The following GRAMD1B variants were observed in gnomAD, a reference collection of about 807,000 sequenced individuals.
GRAMD1B encodes GRAM domain containing 1B.
Under a neutral mutation model 99.7 loss-of-function variants are expected in GRAMD1B, and 37 were observed. The observed-to-expected ratio is 0.37, with a 90% CI of 0.29 to 0.49. The LOEUF is 0.49. GRAMD1B is among the 20% of genes least tolerant of loss of function. The pLI is 0.98. For missense variants in GRAMD1B, 888 were observed against 1,009.2 expected, an observed-to-expected ratio of 0.88 and a Z score of 1.63; for synonymous variants, 427 against 387.6, an observed-to-expected ratio of 1.10 and a Z score of -1.19.
intron 14 of GRAMD1B, among the ~76,000 whole-genome samples, chr11:123,611,320 G>T (rs1030501874): frequency 6.6e-6 from 1 of 152,040 alleles, no homozygotes; most frequent in Admixed American, 6.5e-5. Flanking sequence ...TGTAGTCCCA[G>T]CTACTCGGGA....
chr11:123,467,783 GTCCT>G (rs571421968), intron 1 of GRAMD1B, among the ~76,000 whole-genome samples: 2 of 150,880 alleles, frequency 1.3e-5, no homozygotes, highest in Non-Finnish European at 3.0e-5. Flanking sequence ...GCCTAGCAGG[GTCCT>G]TCCTTCCTTC....
At chr11:123,369,452 T>C (rs1946443233) in intron 1 of GRAMD1B, among the ~76,000 whole-genome samples, 1 of 151,640 alleles carries the variant, frequency 6.6e-6, no homozygotes, top group Non-Finnish European at 1.5e-5. Flanking sequence ...TAAGAACAAA[T>C]AAACAAAGGA....
chr11:123,509,974 G>T (rs1340402925), intron 2 of GRAMD1B: 1 of 152,250 alleles, frequency 6.6e-6, no homozygotes, highest in Non-Finnish European at 1.5e-5. Flanking sequence ...GTGGAGTGGG[G>T]GGGTGTGAAC....
chr11:123,584,481 A>G (rs928016974), intron 4 of GRAMD1B, 149 bp downstream of exon 4: 1 of 33,210 alleles, frequency 3.0e-5, no homozygotes, highest in African/African-American at 1.1e-4. Context: ...TGCAGCGGTT[A>G]TTTTCTTCAG....
At chr11:123,586,064 C>T (rs922093904) in intron 4 of GRAMD1B, among the ~76,000 whole-genome samples, 2 of 152,170 alleles carry the variant, frequency 1.3e-5, no homozygotes, top group African/African-American at 4.8e-5. Context: ...TTTACTTCTC[C>T]CCTTCTTTCC....
chr11:123,434,785 T>G (rs1362584822), intron 1 of GRAMD1B, among the ~76,000 whole-genome samples: 1 of 152,190 alleles, frequency 6.6e-6, no homozygotes, highest in Non-Finnish European at 1.5e-5. Context: ...AAGACTCCAT[T>G]TCCAAAAGAA....
intron 2 of GRAMD1B, among the ~76,000 whole-genome samples, chr11:123,558,728 C>T (rs1946406249): frequency 6.6e-6 from 1 of 152,152 alleles, no homozygotes; most frequent in African/African-American, 2.4e-5. Flanking sequence ...GGGGCATTGC[C>T]AATATACCTT....
chr11:123,430,788 C>T lies in GRAMD1B; in HGVS notation c.-5C>T, dbSNP rs1292911158. On this transcript the variant is annotated 5_prime_UTR_variant, in exon 1 of 20. Coordinates refer to ENST00000635736, the MANE Select transcript of GRAMD1B (RefSeq NM_001387025.1). ...CTCAGGGGGAGCGCAGAGGCGACGG[C>T]CCCCATGCCGGCGGCCAACATGATG... is the stretch of plus-strand genomic sequence containing the variant. The T allele has an allele frequency of 3.0e-6, 2 of 674,470 alleles. No homozygotes were observed. The allele number at this position is 674,470 out of a possible 1,614,324, so 41.8% of individuals were successfully genotyped here.
chr11:123,514,610 T>C (rs1941493103), intron 2 of GRAMD1B, among the ~76,000 whole-genome samples: 1 of 152,158 alleles, frequency 6.6e-6, no homozygotes, highest in South Asian at 2.1e-4. Context: ...GGACTGGTGC[T>C]TAGGATGCAT....
At chr11:123,479,287 C>T (rs1183313138) in intron 1 of GRAMD1B, among the ~76,000 whole-genome samples, 1 of 152,120 alleles carries the variant, frequency 6.6e-6, no homozygotes, top group East Asian at 1.9e-4. Context: ...TTACTTCTTG[C>T]TGGAAGAACG....
chr11:123,541,059 C>T (rs1427230600), intron 2 of GRAMD1B, among the ~76,000 whole-genome samples: 1 of 152,048 alleles, frequency 6.6e-6, no homozygotes, highest in African/African-American at 2.4e-5. Flanking sequence ...TCGCAACCTC[C>T]GCCTCCCGGG....
intron 1 of GRAMD1B, among the ~76,000 whole-genome samples, chr11:123,381,047 G>A (rs1422358426): frequency 1.3e-5 from 2 of 152,212 alleles, no homozygotes; most frequent in East Asian, 1.9e-4. Context: ...CCCCTGATCA[G>A]AGGTAGGGGA....
rs1203767320 is a variant in GRAMD1B, at chr11:123,598,557, G to A, written c.970-1911G>A. 5.2e-6 allele frequency: 8 copies of A among 1,552,262 alleles called. No homozygotes were observed. In the African/African-American group the frequency reaches 9.5e-5, roughly 18 times the overall value. On this transcript the variant is annotated intron_variant, in intron 7 of 19. Coordinates refer to ENST00000635736, the MANE Select transcript of GRAMD1B (RefSeq NM_001387025.1). ...TGACTTGGGATTTTTGGCAAACAAAGAGGTATCAAGTGACTCTAGGGACTT... is the reference window on the plus strand; with the variant it reads ...TGACTTGGGATTTTTGGCAAACAAAAAGGTATCAAGTGACTCTAGGGACTT...
intron 2 of GRAMD1B, among the ~76,000 whole-genome samples, chr11:123,497,976 T>C (rs2135124886): frequency 6.8e-6 from 1 of 147,860 alleles, no homozygotes; most frequent in East Asian, 2.0e-4. Flanking sequence ...CACTCTTCCC[T>C]CCCCCTTCCC....
chr11:123,613,348 A>G (rs1420474247), intron 15 of GRAMD1B, 107 bp from the exon 16 acceptor site: 41 of 820,958 alleles, frequency 5.0e-5, no homozygotes, highest in Admixed American at 9.6e-5. Flanking sequence ...AGGATCCTCA[A>G]CCCACCCAAC....
At chr11:123,497,372 C>T (rs2135116318) in intron 2 of GRAMD1B, among the ~76,000 whole-genome samples, 1 of 152,306 alleles carries the variant, frequency 6.6e-6, no homozygotes, top group South Asian at 2.1e-4. Flanking sequence ...AGACCTGAGG[C>T]CAGCACACTA....
intron 2 of GRAMD1B, among the ~76,000 whole-genome samples, chr11:123,488,939 C>T (rs903871875): frequency 2.6e-5 from 4 of 151,364 alleles, no homozygotes; most frequent in South Asian, 2.1e-4. Context: ...TAGGGGGGGG[C>T]GGTCCTTACC....
chr11:123,458,012 G>A (rs564450175), intron 1 of GRAMD1B, among the ~76,000 whole-genome samples: 1 of 152,336 alleles, frequency 6.6e-6, no homozygotes, highest in East Asian at 1.9e-4. Flanking sequence ...CACCATGCCT[G>A]GCTGCCACAT....
At chr11:123,614,717 G>A (rs2137034284) in intron 16 of GRAMD1B, 28 bp from the exon 17 acceptor site, 1 of 1,432,010 alleles carries the variant, frequency 7.0e-7, no homozygotes, top group East Asian at 2.3e-5. Flanking sequence ...GGTCACCATG[G>A]TGATGGTCTC....
Sources: gnomAD v4.1 joint callset for allele counts (sites outside exome capture counted in the v4.1 genomes callset) on GRCh38, gnomAD v4.1.1 for gene constraint, MANE v1.5 for transcripts, NCBI Gene and HGNC (gene_info 2026-07-23, HGNC 2026-07-21) for gene names.